CDC14A: variants seen among roughly 807,000 people sequenced by gnomAD.
CDC14A encodes the protein dual specificity protein phosphatase CDC14A.
CDC14A carries 53 observed loss-of-function variants against 74.4 expected under a neutral mutation model. That is an observed-to-expected ratio of 0.71 (90% CI 0.57 to 0.89). CDC14A has a LOEUF of 0.89. CDC14A is among the 40% of genes least tolerant of loss of function. The pLI is 0.00. For synonymous variants in CDC14A, 247 were observed against 258.4 expected (o/e 0.96, Z 0.43); for missense variants, 646 against 713.7 (o/e 0.91, Z 1.08).
At chr1:100,352,360 C>T (rs944933449), upstream of CDC14A, 14 of 609,530 alleles carry the variant, frequency 2.3e-5, no homozygotes, top group African/African-American at 3.1e-4. Context: ...GAGAAAGGAG[C>T]GGGGCTGTCC....
At chr1:100,415,122 T>C (rs2101053177) in intron 4 of CDC14A, among the ~76,000 whole-genome samples, 1 of 152,284 alleles carries the variant, frequency 6.6e-6, no homozygotes, top group Admixed American at 6.5e-5. Context: ...AAATTCTGGT[T>C]GTAATCAAAT....
chr1:100,505,501 G>C (rs1038291653), intron 15 of CDC14A, among the ~76,000 whole-genome samples: 3 of 152,180 alleles, frequency 2.0e-5, no homozygotes, highest in African/African-American at 4.8e-5. Context: ...AAAATAACCA[G>C]TTTGATGAAA....
At chr1:100,514,557 C>T (rs1394378809) in intron 15 of CDC14A, among the ~76,000 whole-genome samples, 1 of 152,132 alleles carries the variant, frequency 6.6e-6, no homozygotes, top group African/African-American at 2.4e-5. Context: ...TGTCTTGAGA[C>T]ATTAAACTAT....
chr1:100,367,098 T>G (rs1039300787), intron 2 of CDC14A, among the ~76,000 whole-genome samples: 1 of 152,152 alleles, frequency 6.6e-6, no homozygotes, highest in Non-Finnish European at 1.5e-5. Flanking sequence ...CTGTCCATTG[T>G]CATTAACTTC....
At chr1:100,445,281 C>G (rs992294152) in intron 7 of CDC14A, among the ~76,000 whole-genome samples, 1 of 152,120 alleles carries the variant, frequency 6.6e-6, no homozygotes, top group African/African-American at 2.4e-5. Context: ...TACTTTGAAG[C>G]TAATGAAGCT....
At chr1:100,366,389 T>A (rs1653615578) in intron 2 of CDC14A, among the ~76,000 whole-genome samples, 1 of 152,244 alleles carries the variant, frequency 6.6e-6, no homozygotes, top group Non-Finnish European at 1.5e-5. Context: ...AAGCTTCTAA[T>A]GTGTAGAATA....
chr1:100,472,689 T>G (rs1176694554), intron 10 of CDC14A, among the ~76,000 whole-genome samples: 1 of 152,036 alleles, frequency 6.6e-6, no homozygotes, highest in Non-Finnish European at 1.5e-5. Context: ...AAGTTTATAG[T>G]TTTACATTCA....
At chr1:100,442,156 GTT>G (rs76819662) in intron 6 of CDC14A, among the ~76,000 whole-genome samples, 1 of 141,592 alleles carries the variant, frequency 7.1e-6, no homozygotes. Flanking sequence ...ATAAAAATAT[GTT>G]TTTTTTTTTA....
rs58124351 is a variant in CDC14A at position 100,420,082 on chromosome 1, A to ATATATATATATATATAGTGT, written c.310-4140_310-4139insTATATATATATATATAGTGT. 1.6e-3 allele frequency among the ~76,000 whole-genome samples: 169 copies of ATATATATATATATATAGTGT among 105,430 alleles called. 1 individual carries two copies. Among genetic ancestry groups the ATATATATATATATATAGTGT allele is most frequent in the Non-Finnish European group, 2.6e-3 (133 of 50,492 alleles). The allele number at this position is 105,430 out of a possible 152,430, so 69.2% of individuals were successfully genotyped here. A position where few individuals can be genotyped will look rare whatever the true frequency, so the allele number is the denominator to read the frequency against. ...CACACACATATATATATATATATAT[A>ATATATATATATATATAGTGT]GTGTGTATGTGTGTGTGTGTTATGC... On this transcript the variant is annotated intron_variant, in intron 4 of 15. Transcript: ENST00000336454.
At chr1:100,499,411 C>T (rs1305486509) in intron 15 of CDC14A, 149 bp downstream of exon 15, 1 of 1,553,964 alleles carries the variant, frequency 6.4e-7, no homozygotes, top group Non-Finnish European at 8.7e-7. Flanking sequence ...GTGAAACTGT[C>T]TATGCACTAC....
chr1:100,442,365 G>T (rs1571203537), intron 6 of CDC14A, among the ~76,000 whole-genome samples: 1 of 144,002 alleles, frequency 6.9e-6, no homozygotes. Context: ...ATTATATATA[G>T]TATATATAAA....
At chr1:100,355,332 T>G (rs1286802721) in intron 2 of CDC14A, among the ~76,000 whole-genome samples, 1 of 152,232 alleles carries the variant, frequency 6.6e-6, no homozygotes, top group East Asian at 1.9e-4. Flanking sequence ...GTTGTTAATA[T>G]GTCATTGAAT....
rs374785592 is a variant in CDC14A, at chr1:100,490,390, G to C, written c.1138-4428G>C. On this transcript the variant is annotated intron_variant, in intron 11 of 15. Transcript: ENST00000336454. The stretch of plus-strand genomic sequence containing the variant: ...TAGTTTATATGTTCTATCTCTCATA[G>C]TCCTAAAAATGCCCACACTTTGTAC... 3.6e-4 allele frequency among the ~76,000 whole-genome samples: 54 copies of C among 152,070 alleles called. 1 individual carries two copies. The South Asian group carries it at 0.011, about 32-fold the overall frequency.
chr1:100,494,855 G>T lies in CDC14A; in HGVS notation c.1175G>T (p.Gly392Val), dbSNP rs764266535. Residue 392 changes from glycine to valine, a missense_variant, in exon 12 of 16, where the codon GGT (glycine) becomes GTT (valine). Gly to Val is a moderately radical substitution (Grantham distance 109, BLOSUM62 -3). Transcript: ENST00000336454. ...GATGATGATGTGGAAATGAAAAATG[G>T]TATAACCCAGGGAGACAAACTACGT... ...LEDDDVEMKN[G>V]ITQGDKLRAL... is the part of the protein sequence containing the mutation. 2.4e-5 allele frequency: 38 copies of T among 1,612,892 alleles called. No individual in the cohort carries two copies. Among genetic ancestry groups the T allele is most frequent in the Non-Finnish European group, 3.2e-5 (38 of 1,179,088 alleles).
At chr1:100,471,058 C>G (rs2101277209) in intron 10 of CDC14A, among the ~76,000 whole-genome samples, 1 of 151,996 alleles carries the variant, frequency 6.6e-6, no homozygotes, top group South Asian at 2.1e-4. Flanking sequence ...GTGAATATAT[C>G]ATAATATGTT....
At chr1:100,406,700 G>A (rs931400888) in intron 4 of CDC14A, among the ~76,000 whole-genome samples, 7 of 152,084 alleles carry the variant, frequency 4.6e-5, no homozygotes, top group Non-Finnish European at 7.4e-5. Flanking sequence ...GAGGTGGATG[G>A]ATCACCTGAG....
At chr1:100,377,906 GTCTC>G (rs1304398597) in intron 3 of CDC14A, among the ~76,000 whole-genome samples, 2 of 152,222 alleles carry the variant, frequency 1.3e-5, no homozygotes, top group Non-Finnish European at 2.9e-5. Flanking sequence ...TTGTTAATGA[GTCTC>G]TATCAAATTC....
chr1:100,352,771 C>CCCCGGGGCG lies in CDC14A; in HGVS notation c.-178_-170dup. On this transcript the variant is annotated 5_prime_UTR_variant, in exon 1 of 16. Coordinates refer to ENST00000336454, the MANE Select transcript of CDC14A (RefSeq NM_003672.4). The stretch of plus-strand genomic sequence containing the variant: ...CGAGCTCGGGTTCCCCTCGGAATGT[C>CCCCGGGGCG]CCCGGGGCGCCCGGCGCGCTGACCC... 7.0e-7 allele frequency: 1 copy of CCCCGGGGCG among 1,420,866 alleles called. No homozygotes were observed. Among genetic ancestry groups the CCCCGGGGCG allele is most frequent in the Non-Finnish European group, 9.1e-7 (1 of 1,093,966 alleles). The allele number at this position is 1,420,866 out of a possible 1,614,324, so 88.0% of individuals were successfully genotyped here. A position where few individuals can be genotyped will look rare whatever the true frequency, so the allele number is the denominator to read the frequency against.
chr1:100,464,534 C>T (rs1267473217), intron 9 of CDC14A, among the ~76,000 whole-genome samples: 3 of 152,192 alleles, frequency 2.0e-5, no homozygotes, highest in South Asian at 2.1e-4. Context: ...CTAATGGGAA[C>T]GTTTATATCA....
Sources: gnomAD v4.1 joint callset for allele counts (sites outside exome capture counted in the v4.1 genomes callset) on GRCh38, gnomAD v4.1.1 for gene constraint, MANE v1.5 for transcripts, NCBI Gene and HGNC (gene_info 2026-07-23, HGNC 2026-07-21) for gene names.